Variants in MED24 observed in about 807,000 individuals in gnomAD.
MED24 encodes the protein mediator of RNA polymerase II transcription subunit 24.
A neutral mutation model predicts 118.8 loss-of-function variants in MED24; 74 were observed. The ratio of observed to expected loss-of-function variants is 0.62; its 90% CI spans 0.52 to 0.76. The LOEUF (loss-of-function observed/expected upper bound fraction) is 0.76, where lower values mean the gene tolerates loss of function less well. Among genes scored for constraint, MED24 ranks in the 30% least tolerant of loss-of-function variants. The probability of loss-of-function intolerance (pLI) is 0.00; values close to 1 mark genes in which losing one functional copy is unlikely to be tolerated. For missense variants in MED24, 1,041 were observed against 1,278.9 expected (o/e 0.81, Z 2.84); for synonymous variants, 521 against 523.9 (o/e 0.99, Z 0.08).
chr17:40,031,661 C>G, intron 10 of MED24, 41 bp from the exon 11 acceptor site: 1 of 1,563,416 alleles, frequency 6.4e-7, no homozygotes, highest in Middle Eastern at 1.7e-4. Flanking sequence ...TCCAGGGCCA[C>G]CAGGCCCTGA....
intron 3 of MED24, among the ~76,000 whole-genome samples, chr17:40,047,579 T>C (rs1489847176): frequency 6.6e-6 from 1 of 151,500 alleles, no homozygotes; most frequent in Non-Finnish European, 1.5e-5. Flanking sequence ...GGAGAATAGC[T>C]TGGACCTGGG....
Position 40,033,030 on chromosome 17 carries a change from A to G in MED24, c.822+26T>C. 1 of 1,612,412 alleles carries G rather than the reference A, an allele frequency of 6.2e-7. No individual in the cohort carries two copies. Among genetic ancestry groups the G allele is most frequent in the Non-Finnish European group, 8.5e-7 (1 of 1,179,586 alleles). On this transcript the variant is annotated intron_variant, in intron 8 of 25. Transcript: ENST00000394128. The surrounding 1 kb of genome is among the most constrained non-coding windows in gnomAD (Gnocchi z 5.2). Reference sequence around the variant, plus strand: ...CCAACAGGCTGGCCTGCCTTGGAGAAGGGAGAGCCACTCGGCCCCTCCCAC... The same window carrying G: ...CCAACAGGCTGGCCTGCCTTGGAGAGGGGAGAGCCACTCGGCCCCTCCCAC...
In MED24 at chr17:40,053,760, G is replaced by A; in HGVS notation, c.-37-125C>T. The stretch of plus-strand genomic sequence containing the variant: ...TTAAGCGAGACAGAGGAATTTGAAA[G>A]AAAAAGAGCTAAAGGGATAAAGTAA... On this transcript the variant is annotated intron_variant, in intron 1 of 25. Coordinates refer to ENST00000394128, the MANE Select transcript of MED24 (RefSeq NM_014815.4). 5 of 1,255,646 alleles carry A rather than the reference G, an allele frequency of 4.0e-6. No homozygotes were observed. The Admixed American group carries it at 6.6e-5, about 17-fold the overall frequency. 77.8% of individuals were successfully genotyped at this position (1,255,646 alleles called of 1,614,324 possible).
At chr17:40,050,142 A>C (rs1598375470) in intron 3 of MED24, among the ~76,000 whole-genome samples, 1 of 119,426 alleles carries the variant, frequency 8.4e-6, no homozygotes, top group Non-Finnish European at 1.7e-5. Context: ...CAAGAGTGAA[A>C]CTCCGTCTCA....
intron 24 of MED24, 27 bp downstream of exon 24, chr17:40,020,246 G>T (rs374391598): frequency 1.0e-5 from 15 of 1,490,698 alleles, no homozygotes; most frequent in Non-Finnish European, 1.3e-5. Context: ...TTAGCCCCAG[G>T]TTCGGCAGCA....
At chr17:40,025,373 C>T (rs962458447) in intron 19 of MED24, among the ~76,000 whole-genome samples, 5 of 152,154 alleles carry the variant, frequency 3.3e-5, no homozygotes, top group Admixed American at 6.6e-5. Flanking sequence ...GAGGCTGAGG[C>T]GAGAGGATCA....
intron 24 of MED24, 87 bp from the exon 25 acceptor site, chr17:40,020,020 G>A: frequency 2.0e-6 from 3 of 1,466,500 alleles, no homozygotes; most frequent in Non-Finnish European, 2.8e-6. Context: ...ACTGAAAAGG[G>A]AAAAGAAACA....
rs759656803 is a variant in MED24, at chr17:40,033,341, G to C, written c.671+4C>G. ...TTCTCCACCATCCCCCAGGGAGCCGGTACCTCCTAATGAGGGTGCCACACT... is the reference window on the plus strand; with the variant it reads ...TTCTCCACCATCCCCCAGGGAGCCGCTACCTCCTAATGAGGGTGCCACACT... On this transcript the variant is annotated splice_donor_region_variant and intron_variant, in intron 7 of 25. Transcript: ENST00000394128. This position sits in a 1 kb window ranked among gnomAD's most constrained non-coding sequence, Gnocchi z 5.2. 13 of 1,612,922 alleles carry C rather than the reference G, an allele frequency of 8.1e-6. No homozygotes were observed. The highest frequency in any genetic ancestry group is 7.6e-6 in the Non-Finnish European group (9 of 1,179,580).
intron 21 of MED24, 52 bp downstream of exon 21, chr17:40,022,593 G>T (rs1200890802): frequency 2.5e-6 from 4 of 1,607,380 alleles, no homozygotes; most frequent in Non-Finnish European, 3.4e-6. Flanking sequence ...CCAGGCGAGG[G>T]GTGCTTGACC....
intron 6 of MED24, among the ~76,000 whole-genome samples, chr17:40,034,058 C>T (rs1983678888): frequency 6.6e-6 from 1 of 152,192 alleles, no homozygotes; most frequent in Admixed American, 6.5e-5. Context: ...AATGCCCACA[C>T]TCATGGTCTA....
chr17:40,035,116 C>T lies in MED24; in HGVS notation c.559+1G>A. On this transcript the variant is annotated splice_donor_variant, in intron 6 of 25. Coordinates refer to ENST00000394128, the MANE Select transcript of MED24 (RefSeq NM_014815.4). LOFTEE classifies it high-confidence loss of function. ...GGGCTCAGGGGAATCAAGGGACATA[C>T]AGGCCTCCTCTAGTTTGGCGATGTG... is the stretch of plus-strand genomic sequence containing the variant. The T allele has an allele frequency of 6.2e-7, 1 of 1,614,076 alleles. No homozygotes were observed. Among genetic ancestry groups the T allele is most frequent in the Non-Finnish European group, 8.5e-7 (1 of 1,179,946 alleles).
intron 3 of MED24, among the ~76,000 whole-genome samples, chr17:40,038,709 CAA>C (rs547061911): frequency 4.6e-4 from 39 of 84,252 alleles, no homozygotes; most frequent in Admixed American, 5.4e-4. Flanking sequence ...GACTCCATCT[CAA>C]AAAAAAAAAA....
chr17:40,029,027 A>G, intron 13 of MED24, 59 bp from the exon 14 acceptor site: 1 of 1,606,478 alleles, frequency 6.2e-7, no homozygotes, highest in Non-Finnish European at 8.5e-7. Context: ...CACCCAAGAT[A>G]CAGCCTAGCC....
At position 40,035,354 on chromosome 17, in the gene MED24, AGGG is replaced by A. The variant is rs1207681995; in HGVS notation, c.327-8_327-6del. The A allele has an allele frequency of 1.3e-6, 2 of 1,571,912 alleles. No homozygotes were observed. Among genetic ancestry groups the A allele is most frequent in the African/African-American group, 2.7e-5 (2 of 73,718 alleles). On this transcript the variant is annotated splice_region_variant and splice_polypyrimidine_tract_variant and intron_variant, in intron 5 of 25. Transcript: ENST00000394128. ...TCCTCTGCTTTGCCGTGACAGCTAC[AGGG>A]AAGGATGCAAAATCAGACTCTGTTC...
chr17:40,039,270 T>A (rs1984285400), intron 3 of MED24, among the ~76,000 whole-genome samples: 1 of 152,222 alleles, frequency 6.6e-6, no homozygotes, highest in Non-Finnish European at 1.5e-5. Context: ...CGAACTGTTT[T>A]ACACAGCAGG....
chr17:40,054,238 CG>C (rs1986119966), intron 1 of MED24, 122 bp downstream of exon 1: 1 of 155,500 alleles, frequency 6.4e-6, no homozygotes. Context: ...GCTCTAAAAG[CG>C]TCCCTTGGCC....
intron 3 of MED24, among the ~76,000 whole-genome samples, chr17:40,051,084 C>G (rs1337777769): frequency 7.1e-6 from 1 of 140,534 alleles, no homozygotes; most frequent in Non-Finnish European, 1.5e-5. Flanking sequence ...TGCGGTGAGC[C>G]AAGATCGCGC....
chr17:40,022,165 C>T lies in MED24; in HGVS notation c.2524-111G>A, dbSNP rs917669917. ...GCGAGGTCAGCATGGCTAGCAGGGC[C>T]TCAGCCCCTCTCTGCTCAACCCCTC... On this transcript the variant is annotated intron_variant, in intron 22 of 25. Transcript: ENST00000394128. 1.4e-5 allele frequency: 13 copies of T among 936,864 alleles called. No homozygotes were observed. The African/African-American group carries it at 1.7e-4, about 12-fold the overall frequency. The allele number at this position is 936,864 out of a possible 1,614,324, so 58.0% of individuals were successfully genotyped here.
chr17:40,035,626 C>T, intron 5 of MED24, 96 bp downstream of exon 5: 1 of 1,358,494 alleles, frequency 7.4e-7, no homozygotes, highest in Non-Finnish European at 1.0e-6. Flanking sequence ...ACGTTGGAAC[C>T]CGGAGTTGGT....
Sources: allele counts gnomAD v4.1 joint callset (sites outside exome capture counted in the v4.1 genomes callset), GRCh38; gene constraint gnomAD v4.1.1; non-coding constraint Gnocchi (gnomAD v3.1); transcripts MANE v1.5; gene names NCBI Gene and HGNC (gene_info 2026-07-23, HGNC 2026-07-21).